Variants in NNMT observed in about 807,000 individuals in gnomAD.
NNMT encodes nicotinamide N-methyltransferase.
Under a neutral mutation model 11.7 loss-of-function variants are expected in NNMT, and 10 were observed. That is an observed-to-expected ratio of 0.85 (90% CI 0.53 to 1.45). The LOEUF is 1.45. NNMT is among the 40% of genes most tolerant of loss of function. The pLI is 0.00. For missense variants in NNMT, 381 were observed against 319.4 expected (o/e 1.19, Z -1.47); for synonymous variants, 143 against 133.8 (o/e 1.07, Z -0.48).
intron 2 of NNMT, among the ~76,000 whole-genome samples, chr11:114,276,882 C>T (rs1187033910): frequency 6.6e-6 from 1 of 152,334 alleles, no homozygotes; most frequent in African/African-American, 2.4e-5. Flanking sequence ...GCTCTGTGAC[C>T]TTTGGTGGGT....
chr11:114,277,631 C>T (rs1463964719), intron 2 of NNMT, among the ~76,000 whole-genome samples: 5 of 152,162 alleles, frequency 3.3e-5, no homozygotes, highest in Non-Finnish European at 5.9e-5. Context: ...AAATAACATA[C>T]TATGTTAGGT....
chr11:114,308,006 C>A (rs897163445), intron 2 of NNMT, among the ~76,000 whole-genome samples: 5 of 152,026 alleles, frequency 3.3e-5, no homozygotes, highest in African/African-American at 1.2e-4. Context: ...CGCCACCCAC[C>A]CGTCTACAAT....
At chr11:114,293,599 C>T (rs991251905), upstream of NNMT, among the ~76,000 whole-genome samples, 1 of 147,092 alleles carries the variant, frequency 6.8e-6, no homozygotes, top group Non-Finnish European at 1.5e-5. Context: ...TATGATCTCA[C>T]CTCAGTTAAA....
chr11:114,259,346 G>GT (rs1394539980), intron 1 of NNMT, among the ~76,000 whole-genome samples: 6 of 126,322 alleles, frequency 4.7e-5, no homozygotes, highest in African/African-American at 2.0e-4. Context: ...CAGAGGCCCA[G>GT]TGGGGGGGGG....
At chr11:114,258,602 T>G (rs1477270849) in intron 1 of NNMT, among the ~76,000 whole-genome samples, 1 of 152,236 alleles carries the variant, frequency 6.6e-6, no homozygotes, top group Non-Finnish European at 1.5e-5. Context: ...ACTTCCATCC[T>G]CTGCTTTGCT....
At chr11:114,286,836 T>C (rs148905908) in intron 2 of NNMT, among the ~76,000 whole-genome samples, 1 of 152,234 alleles carries the variant, frequency 6.6e-6, no homozygotes, top group South Asian at 2.1e-4. Flanking sequence ...ACTCTACCAG[T>C]CAATGCCAGA....
At chr11:114,278,221 G>A (rs537891826) in intron 2 of NNMT, among the ~76,000 whole-genome samples, 15 of 152,160 alleles carry the variant, frequency 9.9e-5, no homozygotes, top group South Asian at 2.1e-4. Flanking sequence ...CATTTCACAC[G>A]GCGAGAGAGG....
intron 2 of NNMT, among the ~76,000 whole-genome samples, chr11:114,284,764 C>CTT (rs11415162): frequency 0.019 from 1,711 of 90,320 alleles, 221 homozygotes; most frequent in African/African-American, 0.032. Context: ...ACCCGGCCAT[C>CTT]TTTTTTTTTT....
At chr11:114,269,958 A>G (rs941363075) in intron 2 of NNMT, among the ~76,000 whole-genome samples, 5 of 152,018 alleles carry the variant, frequency 3.3e-5, no homozygotes, top group Non-Finnish European at 1.5e-5. Context: ...TGTCCTATAG[A>G]TTCTTATGTG....
chr11:114,299,777 T>C (rs1025378016), intron 2 of NNMT, among the ~76,000 whole-genome samples: 2 of 146,964 alleles, frequency 1.4e-5, no homozygotes, highest in African/African-American at 4.9e-5. Flanking sequence ...TTTATCTTGG[T>C]TGTCAACTTT....
intron 2 of NNMT, among the ~76,000 whole-genome samples, chr11:114,289,045 T>C (rs905392024): frequency 3.3e-5 from 5 of 152,244 alleles, no homozygotes; most frequent in African/African-American, 9.6e-5. Context: ...TAAAGCCATC[T>C]GCTCTGAAGA....
chr11:114,266,902 AC>A, intron 2 of NNMT, among the ~76,000 whole-genome samples: 1 of 152,238 alleles, frequency 6.6e-6, no homozygotes, highest in Non-Finnish European at 1.5e-5. Context: ...AGCTGAATAA[AC>A]TTTTATTCTT....
intron 2 of NNMT, among the ~76,000 whole-genome samples, chr11:114,266,171 C>T (rs1945118101): frequency 6.6e-6 from 1 of 152,150 alleles, no homozygotes; most frequent in East Asian, 1.9e-4. Context: ...ATAGTAATAT[C>T]TTGCTACAAA....
chr11:114,294,093 G>A (rs1489808054), upstream of NNMT, among the ~76,000 whole-genome samples: 2 of 152,124 alleles, frequency 1.3e-5, no homozygotes, highest in African/African-American at 4.8e-5. Flanking sequence ...TAAAATAACT[G>A]AACTCACAGA....
At position 114,268,499 on chromosome 11, in the gene NNMT, G is replaced by A. The variant is rs75019779; in HGVS notation, c.-130+5565G>A. Among the ~76,000 whole-genome samples, 570 of 152,176 alleles carry A rather than the reference G, an allele frequency of 3.7e-3. 6 individuals are homozygous for A. Among genetic ancestry groups the A allele is most frequent in the African/African-American group, 0.013 (552 of 41,528 alleles). On this transcript the variant is annotated intron_variant, in intron 2 of 4. Coordinates refer to the NNMT transcript ENST00000535401. ...AAATATACTACAACAGACCAGGCGC[G>A]GTGGCTCACGCCTGTAATCCCAGCA...
At chr11:114,263,853 C>T (rs1365809574) in intron 2 of NNMT, among the ~76,000 whole-genome samples, 3 of 152,216 alleles carry the variant, frequency 2.0e-5, no homozygotes, top group Non-Finnish European at 4.4e-5. Flanking sequence ...ATTTTGGTTA[C>T]ACCAAGAACA....
chr11:114,279,795 G>A (rs1010519214), intron 2 of NNMT, among the ~76,000 whole-genome samples: 5 of 152,216 alleles, frequency 3.3e-5, no homozygotes, highest in African/African-American at 9.6e-5. Flanking sequence ...CGCTGGGCTT[G>A]CAGACAGTAG....
At chr11:114,308,574 G>A (rs534883604) in intron 2 of NNMT, among the ~76,000 whole-genome samples, 17 of 152,134 alleles carry the variant, frequency 1.1e-4, no homozygotes, top group African/African-American at 4.1e-4. Flanking sequence ...CAGAGGACAG[G>A]GCTACCTTTT....
intron 2 of NNMT, among the ~76,000 whole-genome samples, chr11:114,266,602 C>G (rs1945121723): frequency 6.8e-6 from 1 of 147,180 alleles, no homozygotes; most frequent in East Asian, 2.2e-4. Flanking sequence ...GGTCTTAGCT[C>G]AAATATTGCC....
Sources: allele counts gnomAD v4.1 joint callset (sites outside exome capture counted in the v4.1 genomes callset), GRCh38; gene constraint gnomAD v4.1.1; transcripts MANE v1.5; gene names NCBI Gene and HGNC (gene_info 2026-07-23, HGNC 2026-07-21).